The following EPHA4 variants were observed in gnomAD, a reference collection of about 807,000 sequenced individuals.
EPHA4 encodes the protein ephrin type-A receptor 4.
In EPHA4, 19 loss-of-function variants were observed where a neutral mutation model predicts 108.3. That is an observed-to-expected ratio of 0.18 (90% confidence interval 0.12 to 0.26). The LOEUF (loss-of-function observed/expected upper bound fraction) is 0.26. Ranked by LOEUF, EPHA4 falls within the 10% of genes least tolerant of loss-of-function variation. The pLI is 1.00. For synonymous variants in EPHA4, 449 were observed against 455.5 expected (o/e 0.99, Z 0.18); for missense variants, 917 against 1,254.0 (o/e 0.73, Z 4.06).
chr2:221,447,261 G>A (rs1241322514), intron 8 of EPHA4, among the ~76,000 whole-genome samples: 4 of 152,118 alleles, frequency 2.6e-5, no homozygotes, highest in Non-Finnish European at 5.9e-5. Context: ...TGTTTTCTTA[G>A]AGCTTCAAAG....
At position 221,501,111 on chromosome 2, in the gene EPHA4, G is replaced by A; in HGVS notation, c.885C>T (p.Pro295=). ...STDATCAKCP[P]HSYSVWEGAT... is the part of the protein sequence containing the mutation. ...CTCCTTCCCAGACAGAGTAGCTGTG[G>A]GGTGGGCACTTGGCACAGGTGGCAT... Residue 295 remains proline, a synonymous_variant, in exon 4 of 18, where the codon CCC becomes CCT. Transcript: ENST00000281821. 1 of 1,613,456 alleles carries A rather than the reference G, an allele frequency of 6.2e-7. No homozygotes were observed. Among genetic ancestry groups the A allele is most frequent in the Non-Finnish European group, 8.5e-7 (1 of 1,179,650 alleles).
upstream of EPHA4, chr2:221,573,991 G>A (rs1330930817): frequency 6.6e-6 from 1 of 152,190 alleles, no homozygotes; most frequent in Non-Finnish European, 1.5e-5. The surrounding 1 kb of genome is among the most constrained non-coding windows in gnomAD (Gnocchi z 4.5). Flanking sequence ...GGCTGCTCTC[G>A]GAAAAGCGGA....
intron 4 of EPHA4, among the ~76,000 whole-genome samples, chr2:221,496,371 G>A (rs888065454): frequency 6.6e-6 from 1 of 152,052 alleles, no homozygotes; most frequent in Non-Finnish European, 1.5e-5. Flanking sequence ...ATGACTTTAA[G>A]GTTAAATAGC....
At chr2:221,562,496 G>A (rs1244341753) in intron 3 of EPHA4, among the ~76,000 whole-genome samples, 1 of 152,192 alleles carries the variant, frequency 6.6e-6, no homozygotes. Flanking sequence ...TGGTTGAAAT[G>A]CCAGACAAAT....
intron 3 of EPHA4, among the ~76,000 whole-genome samples, chr2:221,543,696 A>C (rs1693902832): frequency 6.6e-6 from 1 of 152,210 alleles, no homozygotes. Flanking sequence ...GTGAAATATT[A>C]ATCAGCTAAA....
At chr2:221,474,190 C>T (rs1419061525) in intron 5 of EPHA4, among the ~76,000 whole-genome samples, 3 of 152,214 alleles carry the variant, frequency 2.0e-5, no homozygotes, top group Non-Finnish European at 4.4e-5. Flanking sequence ...GCTCTTTTGG[C>T]AGGCTTTTAT....
chr2:221,494,288 T>A (rs376343211), intron 4 of EPHA4, among the ~76,000 whole-genome samples: 4 of 152,302 alleles, frequency 2.6e-5, no homozygotes, highest in African/African-American at 9.6e-5. Context: ...CATTTTGAAA[T>A]ACAATAAGGG....
At chr2:221,469,927 A>G (rs915312055) in intron 5 of EPHA4, among the ~76,000 whole-genome samples, 3 of 152,228 alleles carry the variant, frequency 2.0e-5, no homozygotes, top group Non-Finnish European at 4.4e-5. Context: ...GAGCTGCTCC[A>G]AAACATGTCA....
chr2:221,457,265 A>G (rs1473905999), intron 6 of EPHA4, among the ~76,000 whole-genome samples: 1 of 152,232 alleles, frequency 6.6e-6, no homozygotes, highest in Non-Finnish European at 1.5e-5. Context: ...TTTTCTAGAC[A>G]ACCTTGAATG....
At chr2:221,573,142 G>A (rs1020298625), upstream of EPHA4, 2 of 152,548 alleles carry the variant, frequency 1.3e-5, no homozygotes, top group East Asian at 3.9e-4. This position sits in a 1 kb window ranked among gnomAD's most constrained non-coding sequence, Gnocchi z 4.5. Flanking sequence ...GGCAGTCCCT[G>A]GAACCGGGCC....
intron 3 of EPHA4, among the ~76,000 whole-genome samples, chr2:221,528,569 A>T (rs1381157269): frequency 6.6e-6 from 1 of 152,184 alleles, no homozygotes; most frequent in Non-Finnish European, 1.5e-5. Context: ...TTTAGAAAGC[A>T]TTTTCCTAAA....
At chr2:221,488,082 TACTCAA>T (rs1330725027) in intron 4 of EPHA4, among the ~76,000 whole-genome samples, 3 of 152,194 alleles carry the variant, frequency 2.0e-5, no homozygotes, top group Non-Finnish European at 4.4e-5. Flanking sequence ...CTGCAGCAAC[TACTCAA>T]CTCTGTAATT....
intron 5 of EPHA4, among the ~76,000 whole-genome samples, chr2:221,463,697 TTC>T (rs1184474340): frequency 6.6e-6 from 1 of 152,226 alleles, no homozygotes; most frequent in Non-Finnish European, 1.5e-5. Context: ...TGCTGCAATT[TTC>T]TTTTATTCAC....
chr2:221,532,225 C>A (rs1693545114), intron 3 of EPHA4, among the ~76,000 whole-genome samples: 2 of 152,000 alleles, frequency 1.3e-5, no homozygotes, highest in South Asian at 4.2e-4. Context: ...AGGGTTCAAG[C>A]AATTCTCCTG....
intron 3 of EPHA4, among the ~76,000 whole-genome samples, chr2:221,547,051 A>T (rs930203077): frequency 2.6e-5 from 4 of 152,226 alleles, no homozygotes; most frequent in Non-Finnish European, 4.4e-5. Context: ...AGGTAGCAAT[A>T]CAACAGGGGA....
At chr2:221,428,365 C>T (rs565962355) in intron 15 of EPHA4, among the ~76,000 whole-genome samples, 3 of 152,340 alleles carry the variant, frequency 2.0e-5, no homozygotes, top group Middle Eastern at 3.4e-3. Context: ...TGTTATACTA[C>T]ATCTCATTAT....
chr2:221,478,545 C>A (rs1691727311), intron 5 of EPHA4, among the ~76,000 whole-genome samples: 1 of 152,160 alleles, frequency 6.6e-6, no homozygotes, highest in African/African-American at 2.4e-5. Context: ...CAAGAGCTTC[C>A]TCTTCTCCAA....
chr2:221,569,143 G>A (rs1694755335), intron 1 of EPHA4, among the ~76,000 whole-genome samples: 2 of 152,220 alleles, frequency 1.3e-5, no homozygotes, highest in South Asian at 2.1e-4. Flanking sequence ...ATCTCTGTCT[G>A]GTATCTACTA....
chr2:221,538,300 G>A (rs530502264), intron 3 of EPHA4, among the ~76,000 whole-genome samples: 60 of 152,262 alleles, frequency 3.9e-4, no homozygotes, highest in African/African-American at 1.4e-3. Context: ...CCAATCTGGT[G>A]ACATGACAAA....
Sources: allele counts gnomAD v4.1 joint callset (sites outside exome capture counted in the v4.1 genomes callset), GRCh38; gene constraint gnomAD v4.1.1; non-coding constraint Gnocchi (gnomAD v3.1); transcripts MANE v1.5; gene names NCBI Gene and HGNC (gene_info 2026-07-23, HGNC 2026-07-21).